KAZN: variants seen among roughly 807,000 people sequenced by gnomAD.
The protein encoded by KAZN is kazrin.
In KAZN, 40 loss-of-function variants were observed where a neutral mutation model predicts 87.4. That is an observed-to-expected ratio of 0.46 (90% CI 0.36 to 0.60). The LOEUF (loss-of-function observed/expected upper bound fraction) is 0.60, where lower values mean the gene tolerates loss of function less well. KAZN is among the 20% of genes least tolerant of loss of function. The pLI is 0.00. For missense variants in KAZN, 898 were observed against 1,073.9 expected, an observed-to-expected ratio of 0.84 and a Z score of 2.29; for synonymous variants, 466 against 458.3, an observed-to-expected ratio of 1.02 and a Z score of -0.22.
At chr1:14,361,641 G>A (rs2100981861) in intron 2 of KAZN, among the ~76,000 whole-genome samples, 1 of 152,364 alleles carries the variant, frequency 6.6e-6, no homozygotes. Flanking sequence ...TAATATCTGG[G>A]CCAGAGTGCA....
chr1:14,786,497 AC>A (rs760876659), intron 1 of KAZN, among the ~76,000 whole-genome samples: 1 of 152,138 alleles, frequency 6.6e-6, no homozygotes, highest in Non-Finnish European at 1.5e-5. Flanking sequence ...ACTGGGCCTA[AC>A]CGGGCATGGT....
intron 1 of KAZN, among the ~76,000 whole-genome samples, chr1:13,907,237 G>A (rs1447534707): frequency 6.6e-6 from 1 of 152,202 alleles, no homozygotes; most frequent in Non-Finnish European, 1.5e-5. Context: ...TCCAGGACTA[G>A]AGTCCCACTG....
In KAZN at chr1:14,369,301, C is replaced by T. The variant is rs571795711; in HGVS notation, c.249+188709C>T. Among the ~76,000 whole-genome samples the T allele has an allele frequency of 1.4e-4, 21 of 152,324 alleles. No individual in the cohort carries two copies. The East Asian group carries it at 3.5e-3, about 25-fold the overall frequency. On this transcript the variant is annotated intron_variant, in intron 2 of 16. Coordinates refer to the KAZN transcript ENST00000636203. ...TGTATCGTTCGCTCTTCAGTTTCCT[C>T]GCTCAATGCCAGGTCATTAACTTTA... is the stretch of plus-strand genomic sequence containing the variant.
chr1:14,188,893 T>G (rs1228228475), intron 2 of KAZN, among the ~76,000 whole-genome samples: 1 of 152,146 alleles, frequency 6.6e-6, no homozygotes, highest in African/African-American at 2.4e-5. Context: ...CTCCCATCCA[T>G]TAGTCAGATG....
chr1:14,234,482 A>G (rs1055569721), intron 2 of KAZN, among the ~76,000 whole-genome samples: 1 of 152,172 alleles, frequency 6.6e-6, no homozygotes, highest in Non-Finnish European at 1.5e-5. Context: ...GCAGCAAACC[A>G]CCATGGCATG....
chr1:14,570,542 C>T (rs1457287619), intron 2 of KAZN, among the ~76,000 whole-genome samples: 2 of 152,166 alleles, frequency 1.3e-5, no homozygotes, highest in Non-Finnish European at 2.9e-5. Context: ...TTGGGGTTCA[C>T]TCCTGTTGTA....
In KAZN at chr1:14,599,706, C is replaced by G. The variant is rs564897928; in HGVS notation, c.226+483C>G. On this transcript the variant is annotated intron_variant, in intron 1 of 14. Transcript: ENST00000376030. The surrounding 1 kb of genome is among the most constrained non-coding windows in gnomAD (Gnocchi z 4.4). The stretch of plus-strand genomic sequence containing the variant: ...GCACTTTTCTCCGCGGATGCCAAAT[C>G]CCTTGGCTCAGTTGCATCTGGACTT... Among the ~76,000 whole-genome samples, 40 of 152,310 alleles carry G rather than the reference C, an allele frequency of 2.6e-4. No individual in the cohort carries two copies. Among genetic ancestry groups the G allele is most frequent in the African/African-American group, 9.6e-4 (40 of 41,580 alleles).
intron 2 of KAZN, among the ~76,000 whole-genome samples, chr1:14,458,246 T>G (rs985995018): frequency 1.3e-5 from 2 of 152,272 alleles, no homozygotes; most frequent in African/African-American, 4.8e-5. Context: ...TTCTAATGGT[T>G]GAGAGTTTAT....
intron 2 of KAZN, among the ~76,000 whole-genome samples, chr1:14,489,882 A>G (rs1403265584): frequency 6.6e-6 from 1 of 152,124 alleles, no homozygotes; most frequent in Non-Finnish European, 1.5e-5. Flanking sequence ...TCTCATGAAT[A>G]AATATTCTTG....
chr1:14,535,495 G>A (rs1672448429), intron 2 of KAZN, among the ~76,000 whole-genome samples: 1 of 151,994 alleles, frequency 6.6e-6, no homozygotes, highest in African/African-American at 2.4e-5. Flanking sequence ...GTGAAACCCC[G>A]TCTTTACTGA....
At chr1:14,160,830 A>G (rs569752839) in intron 1 of KAZN, among the ~76,000 whole-genome samples, 1 of 152,236 alleles carries the variant, frequency 6.6e-6, no homozygotes, top group African/African-American at 2.4e-5. Flanking sequence ...AACTGCTACT[A>G]TTTTTTGAAG....
chr1:14,709,224 AG>A (rs1350337723), intron 1 of KAZN, among the ~76,000 whole-genome samples: 2 of 152,192 alleles, frequency 1.3e-5, no homozygotes, highest in Non-Finnish European at 2.9e-5. Flanking sequence ...AACCCCTGTG[AG>A]TCTCACTCCG....
intron 1 of KAZN, among the ~76,000 whole-genome samples, chr1:14,155,479 C>A (rs1645572529): frequency 6.6e-6 from 1 of 152,002 alleles, no homozygotes; most frequent in African/African-American, 2.4e-5. Flanking sequence ...AAAAAACAAA[C>A]TTTTTGGTTC....
chr1:14,960,727 C>T lies in KAZN; in HGVS notation c.270C>T (p.His90=), dbSNP rs1487409040. Residue 90 remains histidine, a synonymous_variant, in exon 2 of 15, where the codon CAC becomes CAT. Transcript: ENST00000376030. ...TGTCGCGGCTCCAGGAGGAAGTTCA[C>T]CTTCTCCGGCAGATGAAGGAGATGT... ...EEVSRLQEEV[H]LLRQMKEMLA... is the part of the protein sequence containing the mutation. 23 of 1,585,862 alleles carry T rather than the reference C, an allele frequency of 1.5e-5. No homozygotes were observed. The highest frequency in any genetic ancestry group is 2.0e-5 in the Non-Finnish European group (23 of 1,165,294).
chr1:14,238,672 A>T (rs1043201208), intron 2 of KAZN, among the ~76,000 whole-genome samples: 1 of 152,266 alleles, frequency 6.6e-6, no homozygotes, highest in Non-Finnish European at 1.5e-5. Context: ...AAAGCACTAC[A>T]GCTGGCCCTC....
chr1:14,625,765 A>G (rs962705164), intron 1 of KAZN, among the ~76,000 whole-genome samples: 1 of 152,306 alleles, frequency 6.6e-6, no homozygotes, highest in Non-Finnish European at 1.5e-5. Flanking sequence ...GCGTTGGACG[A>G]TGTGATTTCT....
At chr1:14,043,985 CT>C (rs900581687) in intron 1 of KAZN, among the ~76,000 whole-genome samples, 40 of 152,120 alleles carry the variant, frequency 2.6e-4, no homozygotes, top group Admixed American at 2.2e-3. Flanking sequence ...GCCATTCTCC[CT>C]TGTGTCTCTC....
chr1:14,984,448 T>C (rs2101911177), intron 2 of KAZN, among the ~76,000 whole-genome samples: 1 of 152,272 alleles, frequency 6.6e-6, no homozygotes, highest in East Asian at 1.9e-4. Context: ...GGGTTCTCTC[T>C]GTGGGAAAAG....
chr1:13,979,363 C>T (rs779184063), intron 1 of KAZN, among the ~76,000 whole-genome samples: 2 of 151,998 alleles, frequency 1.3e-5, no homozygotes, highest in African/African-American at 2.4e-5. Flanking sequence ...ATGATGAAAA[C>T]CAGGTGACAA....
Sources: allele counts gnomAD v4.1 joint callset (sites outside exome capture counted in the v4.1 genomes callset), GRCh38; gene constraint gnomAD v4.1.1; non-coding constraint Gnocchi (gnomAD v3.1); transcripts MANE v1.5; gene names NCBI Gene and HGNC (gene_info 2026-07-23, HGNC 2026-07-21).